B3GALT1: variants seen among roughly 807,000 people sequenced by gnomAD.
B3GALT1 encodes UDP-Gal:betaGlcNAc beta 1,3-galactosyltransferase, polypeptide 1.
A neutral mutation model predicts 23.2 loss-of-function variants in B3GALT1; 10 were observed. The observed-to-expected ratio is 0.43, with a 90% CI of 0.27 to 0.73. The LOEUF is 0.73. Ranked by LOEUF, B3GALT1 falls within the 30% of genes least tolerant of loss-of-function variation. The probability of loss-of-function intolerance (pLI) is 0.21; values close to 1 mark genes in which losing one functional copy is unlikely to be tolerated. For synonymous variants in B3GALT1, 156 were observed against 141.5 expected (o/e 1.10, Z -0.73); for missense variants, 299 against 405.4 (o/e 0.74, Z 2.25).
chr2:167,520,831 G>T (rs190204766), intron 2 of B3GALT1, among the ~76,000 whole-genome samples: 201 of 152,234 alleles, frequency 1.3e-3, no homozygotes, highest in Non-Finnish European at 2.3e-3. Context: ...GGGAGCAATG[G>T]GTTGGCACCC....
chr2:167,353,236 G>T (rs1419291281), intron 1 of B3GALT1, among the ~76,000 whole-genome samples: 2 of 152,158 alleles, frequency 1.3e-5, no homozygotes, highest in Admixed American at 1.3e-4. Flanking sequence ...TTGGGACACA[G>T]TTATTTCCTA....
intron 1 of B3GALT1, among the ~76,000 whole-genome samples, chr2:167,435,985 A>ACG (rs1483417717): frequency 4.8e-5 from 5 of 104,386 alleles, no homozygotes; most frequent in African/African-American, 3.1e-4. Context: ...ACACACACGC[A>ACG]CACACACACA....
intron 1 of B3GALT1, among the ~76,000 whole-genome samples, chr2:167,373,683 C>G (rs1215266334): frequency 6.6e-6 from 1 of 152,116 alleles, no homozygotes; most frequent in Non-Finnish European, 1.5e-5. Context: ...TCTCAGTGTT[C>G]TGAGTAGCTG....
At chr2:167,677,034 A>G (rs1191886940) in intron 3 of B3GALT1, among the ~76,000 whole-genome samples, 1 of 152,172 alleles carries the variant, frequency 6.6e-6, no homozygotes, top group African/African-American at 2.4e-5. Context: ...ATATGTATAC[A>G]TAGATAGAGA....
At chr2:167,695,890 C>G (rs561885089) in intron 3 of B3GALT1, among the ~76,000 whole-genome samples, 2 of 152,216 alleles carry the variant, frequency 1.3e-5, no homozygotes, top group East Asian at 3.9e-4. Context: ...TGTCTGCATT[C>G]CAACCAGAGG....
At chr2:167,306,450 A>G (rs758550349) in intron 1 of B3GALT1, among the ~76,000 whole-genome samples, 1 of 152,054 alleles carries the variant, frequency 6.6e-6, no homozygotes, top group Non-Finnish European at 1.5e-5. Context: ...TTTTATGTCC[A>G]GTTTTCTAGA....
intron 2 of B3GALT1, among the ~76,000 whole-genome samples, chr2:167,615,902 G>A (rs1281042899): frequency 6.6e-6 from 1 of 152,014 alleles, no homozygotes; most frequent in Admixed American, 6.6e-5. Flanking sequence ...CCCAAAGTTA[G>A]ACAGTTCTAA....
chr2:167,861,432 G>C (rs1486448265), intron 4 of B3GALT1, among the ~76,000 whole-genome samples: 2 of 152,184 alleles, frequency 1.3e-5, no homozygotes, highest in Non-Finnish European at 2.9e-5. Context: ...GAATTTGCAG[G>C]AGTGGGCAGA....
intron 4 of B3GALT1, among the ~76,000 whole-genome samples, chr2:167,838,743 A>T (rs181521404): frequency 6.6e-6 from 1 of 152,384 alleles, no homozygotes; most frequent in South Asian, 2.1e-4. Flanking sequence ...ATTTTAGACC[A>T]ATATCCTTGA....
intron 2 of B3GALT1, among the ~76,000 whole-genome samples, chr2:167,622,099 T>C (rs1322249098): frequency 6.6e-6 from 1 of 152,128 alleles, no homozygotes; most frequent in Non-Finnish European, 1.5e-5. Flanking sequence ...CCTTTTCTTC[T>C]TAGCAGTAGT....
At chr2:167,684,228 G>A (rs1686580775) in intron 3 of B3GALT1, among the ~76,000 whole-genome samples, 1 of 152,144 alleles carries the variant, frequency 6.6e-6, no homozygotes, top group Non-Finnish European at 1.5e-5. Context: ...ACGTAGGCAA[G>A]GAATAAACAT....
At chr2:167,508,999 T>C (rs1316506223) in intron 2 of B3GALT1, among the ~76,000 whole-genome samples, 1 of 152,192 alleles carries the variant, frequency 6.6e-6, no homozygotes, top group Non-Finnish European at 1.5e-5. Flanking sequence ...GCTAACCCTT[T>C]TGTTCCCAAA....
intron 3 of B3GALT1, among the ~76,000 whole-genome samples, chr2:167,759,171 C>G (rs1687863527): frequency 6.6e-6 from 1 of 152,168 alleles, no homozygotes; most frequent in African/African-American, 2.4e-5. Flanking sequence ...GAGGTTTCCA[C>G]AGACCAGCAG....
intron 1 of B3GALT1, among the ~76,000 whole-genome samples, chr2:167,381,333 T>A (rs1697845854): frequency 6.6e-6 from 1 of 152,222 alleles, no homozygotes; most frequent in Non-Finnish European, 1.5e-5. Context: ...AGTGCTGAGA[T>A]TATAGGCGTG....
intron 3 of B3GALT1, among the ~76,000 whole-genome samples, chr2:167,735,857 T>A (rs557599686): frequency 1.3e-5 from 2 of 152,206 alleles, no homozygotes; most frequent in South Asian, 4.1e-4. Flanking sequence ...ACCTAGTAAG[T>A]GGTAGAGTTA....
chr2:167,724,810 G>A (rs7582020), intron 3 of B3GALT1, among the ~76,000 whole-genome samples: 105,568 of 152,008 alleles, frequency 0.69, 37,954 homozygotes, highest in Non-Finnish European at 0.82. Context: ...TAGTTGGAGT[G>A]TAAGAAAAAA....
intron 1 of B3GALT1, among the ~76,000 whole-genome samples, chr2:167,477,913 A>T (rs1207185113): frequency 6.6e-6 from 1 of 152,250 alleles, no homozygotes; most frequent in Non-Finnish European, 1.5e-5. Context: ...AGAATAGAAA[A>T]TACTAACGAT....
At chr2:167,301,731 A>G (rs1278838313) in intron 1 of B3GALT1, among the ~76,000 whole-genome samples, 1 of 152,016 alleles carries the variant, frequency 6.6e-6, no homozygotes, top group African/African-American at 2.4e-5. Flanking sequence ...TTTATTTTTT[A>G]GTAGAGATGG....
chr2:167,750,141 T>C (rs1215020474), intron 3 of B3GALT1, among the ~76,000 whole-genome samples: 1 of 152,208 alleles, frequency 6.6e-6, no homozygotes, highest in Non-Finnish European at 1.5e-5. Flanking sequence ...TGCTATCAGG[T>C]TCAATTTAGC....
Sources: gnomAD v4.1 joint callset for allele counts (sites outside exome capture counted in the v4.1 genomes callset) on GRCh38, gnomAD v4.1.1 for gene constraint, MANE v1.5 for transcripts, NCBI Gene and HGNC (gene_info 2026-07-23, HGNC 2026-07-21) for gene names.